The following PTPRQ variants were observed in gnomAD, a reference collection of about 807,000 sequenced individuals.
The protein encoded by PTPRQ is phosphatidylinositol phosphatase PTPRQ.
PTPRQ carries 199 observed loss-of-function variants against 246.0 expected under a neutral mutation model. The observed-to-expected ratio is 0.81, with a 90% CI of 0.72 to 0.91. The LOEUF (loss-of-function observed/expected upper bound fraction) is 0.91. Among genes scored for constraint, PTPRQ ranks in the 40% least tolerant of loss-of-function variants. The probability of loss-of-function intolerance (pLI) is 0.00; values close to 1 mark genes in which losing one functional copy is unlikely to be tolerated. For synonymous variants in PTPRQ, 869 were observed against 853.2 expected (o/e 1.02, Z -0.32); for missense variants, 2,624 against 2,528.4 (o/e 1.04, Z -0.81).
Position 80,540,223 on chromosome 12 carries a change from A to AT in PTPRQ, c.3154+280dup, listed in dbSNP as rs545296487. ...TATGGGCACAAAAAGTACTGCATAC[A>AT]TGGATGAATTTTCCAGTAGTTAATT... On this transcript the variant is annotated intron_variant, in intron 20 of 44. Coordinates refer to ENST00000644991, the MANE Select transcript of PTPRQ (RefSeq NM_001145026.2). 1.1e-3 allele frequency among the ~76,000 whole-genome samples: 169 copies of AT among 152,184 alleles called. No individual in the cohort carries two copies. The Middle Eastern group carries it at 0.014, about 12-fold the overall frequency.
At position 80,546,542 on chromosome 12, in the gene PTPRQ, T is replaced by A; in HGVS notation, c.3874-14T>A. ...GACAGTGCATTAACTAATAACTTTT[T>A]TTCTGTTTTTCAGAATATATCAGGA... On this transcript the variant is annotated splice_polypyrimidine_tract_variant and intron_variant, in intron 23 of 44. Transcript: ENST00000644991. The A allele has an allele frequency of 6.5e-7, 1 of 1,534,940 alleles. No homozygotes were observed. Among genetic ancestry groups the A allele is most frequent in the Non-Finnish European group, 8.8e-7 (1 of 1,142,778 alleles).
intron 33 of PTPRQ, among the ~76,000 whole-genome samples, chr12:80,627,104 CAG>C (rs1341406908): frequency 1.3e-5 from 2 of 151,726 alleles, no homozygotes; most frequent in Non-Finnish European, 2.9e-5. Flanking sequence ...TTATGGGGAA[CAG>C]AGTGATGCCA....
intron 9 of PTPRQ, among the ~76,000 whole-genome samples, chr12:80,492,287 A>G (rs897390005): frequency 2.6e-5 from 4 of 151,910 alleles, no homozygotes; most frequent in African/African-American, 9.7e-5. Flanking sequence ...CCATAAAATA[A>G]TGCCATGACC....
chr12:80,572,807 G>A (rs1897182234), intron 25 of PTPRQ, among the ~76,000 whole-genome samples: 1 of 152,014 alleles, frequency 6.6e-6, no homozygotes, highest in South Asian at 2.1e-4. Context: ...AAGTTACATG[G>A]TTTATTTTTG....
chr12:80,542,356 A>G lies in PTPRQ; in HGVS notation c.3713A>G (p.Asp1238Gly), dbSNP rs1440655949. Residue 1238 changes from aspartate (D) to glycine (G), a missense_variant, in exon 22 of 45, where the codon GAT (aspartate) becomes GGT (glycine). Transcript: ENST00000644991. ...GPSSILFFYT[D>G]ESVPLAPPQN... is the part of the protein sequence containing the mutation. ...TCCAGTATTCTTTTCTTTTACACAG[A>G]TGAGTCAGGTAAGCCAGAATCCACA... 1.3e-6 allele frequency: 2 copies of G among 1,534,170 alleles called. No homozygotes were observed. Among genetic ancestry groups the G allele is most frequent in the Admixed American group, 2.2e-5 (1 of 45,222 alleles).
intron 8 of PTPRQ, among the ~76,000 whole-genome samples, chr12:80,479,190 C>T (rs1234942853): frequency 6.6e-6 from 1 of 151,142 alleles, no homozygotes; most frequent in Admixed American, 6.6e-5. Context: ...GGCAGAAACC[C>T]TACAAGCCAG....
At position 80,622,106 on chromosome 12, in the gene PTPRQ, T is replaced by A; in HGVS notation, c.5658T>A (p.Ser1886=). 1.4e-6 allele frequency: 2 copies of A among 1,449,722 alleles called. No individual in the cohort carries two copies. The highest frequency in any genetic ancestry group is 1.8e-4 in the Middle Eastern group (1 of 5,682). 89.8% of individuals were successfully genotyped at this position (1,449,722 alleles called of 1,614,324 possible). A position where few individuals can be genotyped will look rare whatever the true frequency, so the allele number is the denominator to read the frequency against. ...ATATTATGGGACAATTTACTGACTC[T>A]GATTATTCTGACCCTGTTAAGACTT... The part of the protein sequence containing the change: ...ATNIMGQFTD[S]DYSDPVKTLG... The change falls in exon 33 of 45, where the codon TCT becomes TCA. Residue 1886 remains serine (S), a synonymous_variant. Coordinates refer to ENST00000644991, the MANE Select transcript of PTPRQ (RefSeq NM_001145026.2).
intron 25 of PTPRQ, among the ~76,000 whole-genome samples, chr12:80,569,600 T>G (rs1897085551): frequency 6.6e-6 from 1 of 152,056 alleles, no homozygotes; most frequent in African/African-American, 2.4e-5. Context: ...TTGATTTTTT[T>G]TTTTTAATTT....
intron 43 of PTPRQ, 111 bp downstream of exon 43, chr12:80,673,415 T>G: frequency 7.0e-7 from 1 of 1,438,736 alleles, no homozygotes; most frequent in Non-Finnish European, 9.2e-7. Flanking sequence ...ACACCTTCTT[T>G]TCCTACATTA....
At chr12:80,626,201 T>C (rs1899195705) in intron 33 of PTPRQ, among the ~76,000 whole-genome samples, 1 of 152,132 alleles carries the variant, frequency 6.6e-6, no homozygotes, top group Non-Finnish European at 1.5e-5. Context: ...CAGAGGAAGA[T>C]TGTATTTTGT....
At chr12:80,525,776 C>T (rs10778760) in intron 17 of PTPRQ, 136,283 of 151,948 alleles carry the variant, frequency 0.9, 61,702 homozygotes, top group Non-Finnish European at 0.93. Flanking sequence ...AGTTCTCCCT[C>T]CCTAAATAAT....
chr12:80,509,785 G>A (rs1565754059), intron 16 of PTPRQ, among the ~76,000 whole-genome samples: 1 of 152,052 alleles, frequency 6.6e-6, no homozygotes, highest in Non-Finnish European at 1.5e-5. Flanking sequence ...CAATTTTGAA[G>A]ACTGAGTGAA....
At chr12:80,493,125 T>C (rs942983466) in intron 9 of PTPRQ, 150 bp from the exon 10 acceptor site, 7 of 821,972 alleles carry the variant, frequency 8.5e-6, no homozygotes, top group Non-Finnish European at 1.0e-5. Flanking sequence ...GAATGAAATT[T>C]TGGAATCTAA....
chr12:80,591,988 T>C (rs1369907139), intron 26 of PTPRQ, among the ~76,000 whole-genome samples: 1 of 152,202 alleles, frequency 6.6e-6, no homozygotes, highest in Non-Finnish European at 1.5e-5. Context: ...GTTCAGAAGT[T>C]GGTAAATGAA....
At chr12:80,554,824 C>G (rs1031363406) in intron 25 of PTPRQ, among the ~76,000 whole-genome samples, 2 of 152,138 alleles carry the variant, frequency 1.3e-5, no homozygotes, top group Non-Finnish European at 2.9e-5. Context: ...CTCACTGTAG[C>G]CTTAACCTCC....
At chr12:80,581,527 C>T (rs1344204929) in intron 25 of PTPRQ, among the ~76,000 whole-genome samples, 4 of 151,720 alleles carry the variant, frequency 2.6e-5, no homozygotes, top group East Asian at 1.9e-4. Flanking sequence ...TCCAGCTACC[C>T]GAGAGACTGG....
At chr12:80,467,189 G>A in intron 6 of PTPRQ, among the ~76,000 whole-genome samples, 1 of 152,120 alleles carries the variant, frequency 6.6e-6, no homozygotes, top group Non-Finnish European at 1.5e-5. Context: ...ATCAAAAAGT[G>A]GGCGAAGGAC....
intron 18 of PTPRQ, 115 bp from the exon 19 acceptor site, chr12:80,534,777 T>C: frequency 7.6e-7 from 1 of 1,319,472 alleles, no homozygotes; most frequent in Non-Finnish European, 1.0e-6. Context: ...ATTCAAGCTT[T>C]TTTGAAAAAC....
At chr12:80,497,152 C>G (rs889218316) in intron 14 of PTPRQ, among the ~76,000 whole-genome samples, 2 of 151,874 alleles carry the variant, frequency 1.3e-5, no homozygotes, top group African/African-American at 2.4e-5. Context: ...TTGTTGTGCA[C>G]TTTATTTCTA....
Sources: gnomAD v4.1 joint callset for allele counts (sites outside exome capture counted in the v4.1 genomes callset) on GRCh38, gnomAD v4.1.1 for gene constraint, MANE v1.5 for transcripts, NCBI Gene and HGNC (gene_info 2026-07-23, HGNC 2026-07-21) for gene names.